Variants in NLGN1 observed in about 807,000 individuals in gnomAD.
NLGN1 encodes neuroligin-1.
A neutral mutation model predicts 65.5 loss-of-function variants in NLGN1; 12 were observed. The ratio of observed to expected loss-of-function variants is 0.18; its 90% CI spans 0.12 to 0.30. NLGN1 has a LOEUF of 0.30. Ranked by LOEUF, NLGN1 falls within the 10% of genes least tolerant of loss-of-function variation. The pLI, the probability that NLGN1 is intolerant of heterozygous loss-of-function variation, is 1.00. For synonymous variants in NLGN1, 350 were observed against 359.5 expected (o/e 0.97, Z 0.30); for missense variants, 750 against 1,007.1 (o/e 0.74, Z 3.46).
chr3:173,450,814 G>A (rs915838360), intron 2 of NLGN1, among the ~76,000 whole-genome samples: 13 of 151,678 alleles, frequency 8.6e-5, no homozygotes, highest in East Asian at 3.9e-4. Context: ...CATTCATTTC[G>A]TCTTACATAG....
At chr3:173,787,033 C>T (rs1020115247) in intron 3 of NLGN1, among the ~76,000 whole-genome samples, 5 of 151,014 alleles carry the variant, frequency 3.3e-5, no homozygotes, top group African/African-American at 9.8e-5. Context: ...GCCGACATCA[C>T]GCCATTGCCC....
intron 3 of NLGN1, among the ~76,000 whole-genome samples, chr3:173,691,416 G>T (rs533310874): frequency 4.6e-4 from 70 of 152,116 alleles, no homozygotes; most frequent in African/African-American, 1.6e-3. Flanking sequence ...CTCTTTAAAA[G>T]ATTTTCTAAA....
At chr3:173,827,815 A>G (rs1317996788) in intron 4 of NLGN1, among the ~76,000 whole-genome samples, 1 of 151,934 alleles carries the variant, frequency 6.6e-6, no homozygotes, top group African/African-American at 2.4e-5. Context: ...AATTAAGAGC[A>G]CTGATGTCCA....
At chr3:174,241,695 C>G (rs1045703577) in intron 4 of NLGN1, among the ~76,000 whole-genome samples, 3 of 151,786 alleles carry the variant, frequency 2.0e-5, no homozygotes, top group Admixed American at 6.6e-5. Flanking sequence ...GTTCTGTCCC[C>G]CAGGCTGGAG....
intron 1 of NLGN1, among the ~76,000 whole-genome samples, chr3:173,426,480 G>T (rs914560393): frequency 6.6e-6 from 1 of 152,008 alleles, no homozygotes; most frequent in Non-Finnish European, 1.5e-5. Flanking sequence ...GTCATATACA[G>T]CCTTTAATGT....
intron 4 of NLGN1, among the ~76,000 whole-genome samples, chr3:173,826,248 C>T (rs951673257): frequency 2.0e-5 from 3 of 152,074 alleles, no homozygotes; most frequent in Non-Finnish European, 2.9e-5. Flanking sequence ...ATTTCTGTAA[C>T]TCAGACTGCC....
At chr3:173,492,169 G>T (rs1027484649) in intron 2 of NLGN1, among the ~76,000 whole-genome samples, 1 of 151,856 alleles carries the variant, frequency 6.6e-6, no homozygotes, top group Non-Finnish European at 1.5e-5. Context: ...TAAAGTTGAT[G>T]TAAAGAATTT....
chr3:173,568,095 T>C (rs1743986873), intron 2 of NLGN1, among the ~76,000 whole-genome samples: 3 of 152,188 alleles, frequency 2.0e-5, no homozygotes, highest in African/African-American at 7.2e-5. Flanking sequence ...TTATCTTTAG[T>C]GACAACACTT....
rs564130139 is a variant in NLGN1, at chr3:173,528,256, T to A, written c.-320-76023T>A. ...TATAAAACTCTTGACTGACAAAATT[T>A]TTTCTTTAAGGAGGCTAAAAATAGG... On this transcript the variant is annotated intron_variant, in intron 2 of 6. Transcript: ENST00000457714. 3.3e-5 allele frequency among the ~76,000 whole-genome samples: 5 copies of A among 152,282 alleles called. No homozygotes were observed. In the East Asian group the frequency reaches 9.7e-4, roughly 29 times the overall value.
intron 4 of NLGN1, among the ~76,000 whole-genome samples, chr3:174,149,035 C>A (rs1723854384): frequency 6.6e-6 from 1 of 152,120 alleles, no homozygotes; most frequent in South Asian, 2.1e-4. Context: ...ATTATGTTAT[C>A]AATTAGGATA....
intron 4 of NLGN1, among the ~76,000 whole-genome samples, chr3:174,070,593 G>T (rs1247310229): frequency 6.6e-6 from 1 of 151,932 alleles, no homozygotes; most frequent in East Asian, 1.9e-4. Flanking sequence ...GCAATCCAAA[G>T]TGTTGGGATT....
chr3:173,768,559 C>T (rs1408472914), intron 3 of NLGN1, among the ~76,000 whole-genome samples: 1 of 152,158 alleles, frequency 6.6e-6, no homozygotes, highest in East Asian at 1.9e-4. Flanking sequence ...TTATGTATCA[C>T]ATATGCCAAA....
intron 2 of NLGN1, among the ~76,000 whole-genome samples, chr3:173,549,802 G>A (rs1740540094): frequency 6.6e-6 from 1 of 152,050 alleles, no homozygotes. Flanking sequence ...TCCTGTATAA[G>A]CTATTTAGGA....
intron 4 of NLGN1, among the ~76,000 whole-genome samples, chr3:174,060,848 C>G (rs1425168101): frequency 6.6e-6 from 1 of 152,040 alleles, no homozygotes; most frequent in Non-Finnish European, 1.5e-5. Flanking sequence ...AAGCTATTAT[C>G]TTTCTAGAAC....
intron 4 of NLGN1, among the ~76,000 whole-genome samples, chr3:173,899,814 G>GA (rs1487619361): frequency 6.6e-6 from 1 of 152,046 alleles, no homozygotes; most frequent in Non-Finnish European, 1.5e-5. Flanking sequence ...CCCATGGACT[G>GA]AATGACACTT....
chr3:173,424,740 C>T lies in NLGN1; in HGVS notation c.-389-10270C>T, dbSNP rs964517185. Among the ~76,000 whole-genome samples the T allele has an allele frequency of 5.3e-5, 8 of 152,162 alleles. No homozygotes were observed. In the South Asian group the frequency reaches 1.0e-3, roughly 20 times the overall value. ...TCAGCCTAGACTTCATTTTTCATAT[C>T]GCTATCAGCATTTTAGTCAAAACTA... On this transcript the variant is annotated intron_variant, in intron 1 of 6. Coordinates refer to ENST00000457714, the Ensembl canonical transcript of NLGN1.
At chr3:173,460,173 GA>G (rs1427255614) in intron 2 of NLGN1, among the ~76,000 whole-genome samples, 1 of 151,990 alleles carries the variant, frequency 6.6e-6, no homozygotes, top group African/African-American at 2.4e-5. Flanking sequence ...AATCATGTAG[GA>G]ATTTTTATGT....
chr3:173,426,402 C>T (rs975568914), intron 1 of NLGN1, among the ~76,000 whole-genome samples: 4 of 151,724 alleles, frequency 2.6e-5, no homozygotes, highest in South Asian at 2.1e-4. Flanking sequence ...GTATCTTTTT[C>T]GTTTTCCAAA....
chr3:174,129,335 C>CCCCCCA (rs1339016761), intron 4 of NLGN1, among the ~76,000 whole-genome samples: 1 of 148,228 alleles, frequency 6.7e-6, no homozygotes, highest in Non-Finnish European at 1.5e-5. Flanking sequence ...ATATCTATCT[C>CCCCCCA]CCCCCACCCC....
Sources: gnomAD v4.1 joint callset for allele counts (sites outside exome capture counted in the v4.1 genomes callset) on GRCh38, gnomAD v4.1.1 for gene constraint, MANE v1.5 for transcripts, NCBI Gene and HGNC (gene_info 2026-07-23, HGNC 2026-07-21) for gene names.